Variants in DERA observed in about 807,000 individuals in gnomAD.
DERA encodes the protein deoxyribose-phosphate aldolase, also known as 2-deoxy-D-ribose 5-phosphate aldolase.
A neutral mutation model predicts 41.1 loss-of-function variants in DERA; 15 were observed. That is an observed-to-expected ratio of 0.37 (90% CI 0.24 to 0.56). The LOEUF is 0.56. Among genes scored for constraint, DERA ranks in the 20% least tolerant of loss-of-function variants. DERA has a pLI of 0.81. For missense variants in DERA, 396 were observed against 403.4 expected, an observed-to-expected ratio of 0.98 and a Z score of 0.16; for synonymous variants, 139 against 137.4, an observed-to-expected ratio of 1.01 and a Z score of -0.08.
Position 15,918,798 on chromosome 12 carries a change from G to A in DERA, c.31+7384G>A, listed in dbSNP as rs1301848687. The stretch of plus-strand genomic sequence containing the variant: ...GTGGTGGGATTGGAAGGATAAAGAC[G>A]AATTCACAGACAGTCCAGGGAGGGT... On this transcript the variant is annotated intron_variant, in intron 1 of 8. Coordinates refer to ENST00000428559, the MANE Select transcript of DERA (RefSeq NM_015954.4). The surrounding 1 kb of genome is among the most constrained non-coding windows in gnomAD (Gnocchi z 4.3). Among the ~76,000 whole-genome samples the A allele has an allele frequency of 1.3e-5, 2 of 152,118 alleles. No homozygotes were observed. The highest frequency in any genetic ancestry group is 1.9e-4 in the East Asian group (1 of 5,186).
Position 15,959,859 on chromosome 12 carries a change from C to T in DERA, c.308C>T (p.Pro103Leu). The T allele has an allele frequency of 1.9e-6, 3 of 1,549,992 alleles. No individual in the cohort carries two copies. The highest frequency in any genetic ancestry group is 8.7e-7 in the Non-Finnish European group (1 of 1,144,984). The change falls in exon 4 of 9, where the codon CCC becomes CTC. Residue 103 changes from proline (P) to leucine (L), a missense_variant. By Grantham distance (98) the Pro-to-Leu change is moderately conservative (BLOSUM62 -3). Transcript: ENST00000428559. The surrounding 1 kb of genome is among the most constrained non-coding windows in gnomAD (Gnocchi z 4.5). ...GITTAAVCVYPARVCDAVKAL... is the reference protein window; with the variant it reads ...GITTAAVCVYLARVCDAVKAL... ...ACTACAGCCGCCGTTTGTGTTTATCCCGCCCGGGTGTGTGATGCTGTAAAA... is the reference window on the plus strand; with the variant it reads ...ACTACAGCCGCCGTTTGTGTTTATCTCGCCCGGGTGTGTGATGCTGTAAAA...
In DERA at chr12:15,938,020, G is replaced by A. The variant is rs1002715693; in HGVS notation, c.32-18916G>A. 6.6e-5 allele frequency among the ~76,000 whole-genome samples: 10 copies of A among 152,182 alleles called. No homozygotes were observed. Among genetic ancestry groups the A allele is most frequent in the African/African-American group, 2.4e-4 (10 of 41,454 alleles). On this transcript the variant is annotated intron_variant, in intron 1 of 8. Transcript: ENST00000428559. The surrounding 1 kb of genome is among the most constrained non-coding windows in gnomAD (Gnocchi z 4.1). ...CTAATATCTTGTTGGCAACATCCAA[G>A]TAAATAATTCAACTATCACAACATA...
chr12:15,998,083 C>T lies in DERA; in HGVS notation c.637+15647C>T, dbSNP rs114000393. Among the ~76,000 whole-genome samples the T allele has an allele frequency of 3.5e-3, 528 of 152,344 alleles. 3 individuals are homozygous for T. The highest frequency in any genetic ancestry group is 0.012 in the African/African-American group (505 of 41,574). On this transcript the variant is annotated intron_variant, in intron 6 of 8. Transcript: ENST00000428559. This position sits in a 1 kb window ranked among gnomAD's most constrained non-coding sequence, Gnocchi z 4.8. ...AACACAGAGTCTAGAACAAGGTTCTCAACCTGGGCTGCACATTAGAGTTTC... is the reference window on the plus strand; with the variant it reads ...AACACAGAGTCTAGAACAAGGTTCTTAACCTGGGCTGCACATTAGAGTTTC...
rs1948371440 is a variant in DERA at position 15,936,934 on chromosome 12, T to A, written c.32-20002T>A. ...TCCTGTCCTGTCCTGTCCTGTCCTG[T>A]CTTGTCCTGTCCCGTCCTGTCCTGC... is the stretch of plus-strand genomic sequence containing the variant. On this transcript the variant is annotated intron_variant, in intron 1 of 8. Coordinates refer to ENST00000428559, the MANE Select transcript of DERA (RefSeq NM_015954.4). The surrounding 1 kb of genome is among the most constrained non-coding windows in gnomAD (Gnocchi z 4.6). Among the ~76,000 whole-genome samples, 1 of 125,186 alleles carries A rather than the reference T, an allele frequency of 8.0e-6. No homozygotes were observed. The highest frequency in any genetic ancestry group is 2.3e-4 in the South Asian group (1 of 4,382). The allele number at this position is 125,186 out of a possible 152,430, so 82.1% of individuals were successfully genotyped here.
chr12:15,975,378 C>T lies in DERA; in HGVS notation c.509-6930C>T, dbSNP rs150873084. ...AGCCAGTTTATCGATCTGGGTGGTG[C>T]CAGCTGATCCATCAAGTGCAGGGTC... is the stretch of plus-strand genomic sequence containing the variant. On this transcript the variant is annotated intron_variant, in intron 5 of 8. Coordinates refer to ENST00000428559, the MANE Select transcript of DERA (RefSeq NM_015954.4). Among the ~76,000 whole-genome samples the T allele has an allele frequency of 3.3e-5, 5 of 152,180 alleles. No individual in the cohort carries two copies. The East Asian group carries it at 5.8e-4, about 18-fold the overall frequency.
Position 15,938,339 on chromosome 12 carries a change from C to T in DERA, c.32-18597C>T, listed in dbSNP as rs1455681580. On this transcript the variant is annotated intron_variant, in intron 1 of 8. Transcript: ENST00000428559. The surrounding 1 kb of genome is among the most constrained non-coding windows in gnomAD (Gnocchi z 4.1). ...CATTGCCTTTATTTTATTGGTAGAT[C>T]TTCTGTTCAAGAGAAAATAGTTCCA... Among the ~76,000 whole-genome samples the T allele has an allele frequency of 6.6e-6, 1 of 152,106 alleles. No homozygotes were observed. Among genetic ancestry groups the T allele is most frequent in the Non-Finnish European group, 1.5e-5 (1 of 68,002 alleles).
intron 1 of DERA, among the ~76,000 whole-genome samples, chr12:15,919,601 C>T (rs1215017137): frequency 6.6e-6 from 1 of 152,186 alleles, no homozygotes; most frequent in Non-Finnish European, 1.5e-5. Context: ...TCTCCTCAGC[C>T]TGCCTCAGCT....
intron 1 of DERA, among the ~76,000 whole-genome samples, chr12:15,933,890 A>G (rs776555113): frequency 1.3e-5 from 2 of 152,094 alleles, no homozygotes; most frequent in Non-Finnish European, 2.9e-5. Context: ...GTTATGCCCT[A>G]TATTTAGCAC....
chr12:15,988,273 GCCATTTGGTGGGT>G lies in DERA; in HGVS notation c.637+5840_637+5852del, dbSNP rs1565606373. ...TTTGTGTTACAGCTCTTTCAGTCCCGCCATTTGGTGGGTCCTGAGTTCTTGTCCTGTGTCCAGG... is the reference window on the plus strand; with the variant it reads ...TTTGTGTTACAGCTCTTTCAGTCCCGCCTGAGTTCTTGTCCTGTGTCCAGG... On this transcript the variant is annotated intron_variant, in intron 6 of 8. Transcript: ENST00000428559. This position sits in a 1 kb window ranked among gnomAD's most constrained non-coding sequence, Gnocchi z 6.0. 6.6e-6 allele frequency among the ~76,000 whole-genome samples: 1 copy of G among 152,164 alleles called. No individual in the cohort carries two copies. Among genetic ancestry groups the G allele is most frequent in the African/African-American group, 2.4e-5 (1 of 41,438 alleles).
chr12:15,987,230 CTTTTTTTTT>C (rs995016192), intron 6 of DERA, among the ~76,000 whole-genome samples: 21 of 85,350 alleles, frequency 2.5e-4, no homozygotes, highest in Non-Finnish European at 4.5e-4. Flanking sequence ...TATATATGTA[CTTTTTTTTT>C]TTTTTTTTTT....
intron 5 of DERA, among the ~76,000 whole-genome samples, chr12:15,964,502 T>G (rs574869149): frequency 1.3e-5 from 2 of 152,354 alleles, no homozygotes; most frequent in Admixed American, 1.3e-4. Context: ...TTTAGCCAAT[T>G]ACAGTCATTC....
intron 6 of DERA, among the ~76,000 whole-genome samples, chr12:16,032,301 G>A (rs1027719466): frequency 2.6e-5 from 4 of 152,164 alleles, no homozygotes; most frequent in Non-Finnish European, 4.4e-5. Context: ...AAATATGGAG[G>A]CAAGAGTATC....
Position 15,959,846 on chromosome 12 carries a change from G to C in DERA, c.295G>C (p.Val99Leu), listed in dbSNP as rs769952797. The change falls in exon 4 of 9, where the codon GTT becomes CTT. Residue 99 changes from valine (V) to leucine (L), a missense_variant. Physicochemically the swap from Val to Leu is conservative, Grantham distance 32 (BLOSUM62 1). Transcript: ENST00000428559. This position sits in a 1 kb window ranked among gnomAD's most constrained non-coding sequence, Gnocchi z 4.5. ...MHDKGITTAA[V>L]CVYPARVCDA... ...CTTGATAGGCATTACTACAGCCGCC[G>C]TTTGTGTTTATCCCGCCCGGGTGTG... 2.0e-5 allele frequency: 31 copies of C among 1,546,246 alleles called. No individual in the cohort carries two copies. In the East Asian group the frequency reaches 3.2e-4, roughly 16 times the overall value.
At chr12:16,024,171 A>C (rs532788350) in intron 6 of DERA, among the ~76,000 whole-genome samples, 1 of 152,238 alleles carries the variant, frequency 6.6e-6, no homozygotes, top group African/African-American at 2.4e-5. Flanking sequence ...CAGTTTCAAA[A>C]GGCATAACAT....
intron 1 of DERA, among the ~76,000 whole-genome samples, chr12:15,948,762 G>A (rs542823540): frequency 2.0e-5 from 3 of 152,304 alleles, no homozygotes; most frequent in Admixed American, 6.5e-5. Context: ...TCCTTTGGAC[G>A]GGGAGAGGCA....
Position 15,963,010 on chromosome 12 carries a change from G to A in DERA, c.508+63G>A, listed in dbSNP as rs147059530. ...CTTCCCTGGTGAATCAGATGATGAG[G>A]TAAGATGTGGTATGTTTTAGAGGTC... On this transcript the variant is annotated intron_variant, in intron 5 of 8. Transcript: ENST00000428559. 1.9e-6 allele frequency: 3 copies of A among 1,548,712 alleles called. No individual in the cohort carries two copies. The African/African-American group carries it at 4.1e-5, about 21-fold the overall frequency.
At position 15,958,321 on chromosome 12, in the gene DERA, A is replaced by T; in HGVS notation, c.263A>T (p.Asn88Ile). Reference protein sequence around the residue: ...PIREDLLKALNMHDKGITTAA... With the variant: ...PIREDLLKALIMHDKGITTAA... ...CGGGAAGATCTCTTAAAAGCTTTAA[A>T]TATGCATGATAAAGGTAATGTTGTT... The change falls in exon 3 of 9, where the codon AAT (asparagine) becomes ATT (isoleucine). Residue 88 changes from asparagine to isoleucine, a missense_variant. By Grantham distance (149) the Asn-to-Ile change is moderately radical. Transcript: ENST00000428559. 1 of 1,603,196 alleles carries T rather than the reference A, an allele frequency of 6.2e-7. No homozygotes were observed. The highest frequency in any genetic ancestry group is 1.1e-5 in the South Asian group (1 of 88,326).
intron 6 of DERA, among the ~76,000 whole-genome samples, chr12:16,006,401 T>G (rs899905048): frequency 9.9e-5 from 15 of 152,192 alleles, no homozygotes; most frequent in African/African-American, 3.4e-4. Flanking sequence ...TAATACAAAT[T>G]TATGCAGTTA....
In DERA at chr12:15,941,768, T is replaced by C. The variant is rs542435785; in HGVS notation, c.32-15168T>C. ...ATACCACATTTTCTTTATCCACTTA[T>C]TGATTCATGGGCACTTAGGTTGATT... On this transcript the variant is annotated intron_variant, in intron 1 of 8. Coordinates refer to ENST00000428559, the MANE Select transcript of DERA (RefSeq NM_015954.4). The surrounding 1 kb of genome is among the most constrained non-coding windows in gnomAD (Gnocchi z 4.5). Among the ~76,000 whole-genome samples the C allele has an allele frequency of 1.3e-5, 2 of 152,360 alleles. No individual in the cohort carries two copies. Among genetic ancestry groups the C allele is most frequent in the East Asian group, 1.9e-4 (1 of 5,186 alleles).
Sources: allele counts gnomAD v4.1 joint callset (sites outside exome capture counted in the v4.1 genomes callset), GRCh38; gene constraint gnomAD v4.1.1; non-coding constraint Gnocchi (gnomAD v3.1); transcripts MANE v1.5; gene names NCBI Gene and HGNC (gene_info 2026-07-23, HGNC 2026-07-21).